MRE11: variants seen among roughly 807,000 people sequenced by gnomAD.
MRE11 encodes the protein MRE11 double strand break repair nuclease.
A neutral mutation model predicts 91.7 loss-of-function variants in MRE11; 62 were observed. The ratio of observed to expected loss-of-function variants is 0.68; its 90% CI spans 0.55 to 0.84. The LOEUF is 0.84. Ranked by LOEUF, MRE11 falls within the 40% of genes least tolerant of loss-of-function variation. MRE11 has a pLI of 0.00. For synonymous variants in MRE11, 273 were observed against 271.4 expected, an observed-to-expected ratio of 1.01 and a Z score of -0.06; for missense variants, 796 against 852.9, an observed-to-expected ratio of 0.93 and a Z score of 0.83.
chr11:94,454,281 C>T (rs539564279), intron 14 of MRE11, among the ~76,000 whole-genome samples: 1 of 151,884 alleles, frequency 6.6e-6, no homozygotes, highest in Admixed American at 6.6e-5. Context: ...GCCATGTTGC[C>T]CAGGCTGGTC....
At chr11:94,449,818 T>C (rs1181216670) in intron 14 of MRE11, among the ~76,000 whole-genome samples, 1 of 152,210 alleles carries the variant, frequency 6.6e-6, no homozygotes, top group Non-Finnish European at 1.5e-5. Context: ...ACCATAGCTA[T>C]GTATTTGGGT....
At position 94,459,599 on chromosome 11, in the gene MRE11, C is replaced by G; in HGVS notation, c.1327-18G>C. 1.9e-6 allele frequency: 3 copies of G among 1,611,220 alleles called. No individual in the cohort carries two copies. Among genetic ancestry groups the G allele is most frequent in the Non-Finnish European group, 2.5e-6 (3 of 1,177,754 alleles). On this transcript the variant is annotated intron_variant, in intron 12 of 19. Transcript: ENST00000323929. ...TGCACATTCTGTAAGATACAAATCACTGGATGCAGAAATAGTTTTTATTCC... is the reference window on the plus strand; with the variant it reads ...TGCACATTCTGTAAGATACAAATCAGTGGATGCAGAAATAGTTTTTATTCC...
At chr11:94,481,287 C>T (rs767192917) in intron 4 of MRE11, among the ~76,000 whole-genome samples, 3 of 151,100 alleles carry the variant, frequency 2.0e-5, no homozygotes, top group South Asian at 2.1e-4. Context: ...CCAACCTGGG[C>T]GACAAAGCAA....
chr11:94,447,191 T>C, intron 15 of MRE11, 28 bp downstream of exon 15: 4 of 1,601,028 alleles, frequency 2.5e-6, no homozygotes, highest in Non-Finnish European at 3.4e-6. Flanking sequence ...CAAGTGTGAA[T>C]GTGCACAGGA....
chr11:94,451,571 G>A (rs1946107697), intron 14 of MRE11, among the ~76,000 whole-genome samples: 1 of 152,038 alleles, frequency 6.6e-6, no homozygotes, highest in Non-Finnish European at 1.5e-5. Context: ...AAAGCAAATA[G>A]AGACTCCAGA....
rs524350 is a variant in MRE11, at chr11:94,493,416, A to G, written c.-106+375T>C. On this transcript the variant is annotated intron_variant, in intron 1 of 19. Coordinates refer to ENST00000323929, the MANE Select transcript of MRE11 (RefSeq NM_005591.4). Reference sequence around the variant, plus strand: ...CGTGGTCTGCGGAGGAACACCTTTAAGCACCAGCAGGATGACTGAAAATAG... The same window carrying G: ...CGTGGTCTGCGGAGGAACACCTTTAGGCACCAGCAGGATGACTGAAAATAG... Among the ~76,000 whole-genome samples, 77,852 of 151,986 alleles carry G rather than the reference A, an allele frequency of 0.51. 20,524 individuals carry two copies. The highest frequency in any genetic ancestry group is 0.63 in the African/African-American group (26,266 of 41,418).
intron 7 of MRE11, chr11:94,475,579 T>A (rs1408550668): frequency 2.2e-6 from 1 of 455,566 alleles, no homozygotes; most frequent in Non-Finnish European, 4.4e-6. Flanking sequence ...TAATAAATCT[T>A]GCTTCTTCAA....
At chr11:94,504,938 C>G in the MRE11 span, among the ~76,000 whole-genome samples, 1 of 152,106 alleles carries the variant, frequency 6.6e-6, no homozygotes, top group African/African-American at 2.4e-5. Flanking sequence ...AATGATGTAT[C>G]GCCTATACTG....
intron 12 of MRE11, among the ~76,000 whole-genome samples, chr11:94,460,072 TAG>T (rs1243029450): frequency 6.6e-6 from 1 of 151,920 alleles, no homozygotes; most frequent in Non-Finnish European, 1.5e-5. Context: ...GGGAAATGGT[TAG>T]AGAGATACAA....
chr11:94,491,043 T>A, intron 2 of MRE11, 78 bp from the exon 3 acceptor site: 2 of 891,092 alleles, frequency 2.2e-6, no homozygotes, highest in Non-Finnish European at 3.5e-6. Flanking sequence ...GACAAACTTA[T>A]AAAATAAATA....
the MRE11 span, among the ~76,000 whole-genome samples, chr11:94,506,791 T>C: frequency 6.6e-6 from 1 of 152,034 alleles, no homozygotes; most frequent in Non-Finnish European, 1.5e-5. Flanking sequence ...AGTCTTGCTA[T>C]GTTGACCAGG....
intron 14 of MRE11, among the ~76,000 whole-genome samples, chr11:94,455,867 C>T (rs141010692): frequency 1.3e-3 from 191 of 152,210 alleles, no homozygotes; most frequent in African/African-American, 4.3e-3. Context: ...TATCCCCACA[C>T]ACATACAATT....
chr11:94,423,776 G>A (rs977392727), intron 19 of MRE11, among the ~76,000 whole-genome samples: 2 of 152,248 alleles, frequency 1.3e-5, no homozygotes, highest in African/African-American at 4.8e-5. Context: ...TCCAGACGAT[G>A]GAGCCACAGG....
rs1945110961 is a variant in MRE11 at position 94,419,465 on chromosome 11, G to GAGAGAGA, written c.*659_*660insTCTCTCT. 7 of 196,690 alleles carry GAGAGAGA rather than the reference G, an allele frequency of 3.6e-5. No homozygotes were observed. Among genetic ancestry groups the GAGAGAGA allele is most frequent in the African/African-American group, 1.8e-4 (7 of 39,622 alleles). 12.2% of individuals were successfully genotyped at this position (196,690 alleles called of 1,614,324 possible). Reference sequence around the variant, plus strand: ...GAAGAGTGGGGAACGGGGGGGAGAGGGAGAGAGAGAGAGAGAGAGAGAGAG... The same window carrying GAGAGAGA: ...GAAGAGTGGGGAACGGGGGGGAGAGGAGAGAGAGAGAGAGAGAGAGAGAGAGAGAGAG... On this transcript the variant is annotated 3_prime_UTR_variant, in exon 20 of 20. Transcript: ENST00000323929.
chr11:94,498,396 T>G, upstream of MRE11: 1 of 1,613,384 alleles, frequency 6.2e-7, no homozygotes. Context: ...GAACTCCTCC[T>G]GATGAACCGT....
chr11:94,500,780 T>C, the MRE11 span, among the ~76,000 whole-genome samples: 5,289 of 152,246 alleles, frequency 0.035, 333 homozygotes, highest in African/African-American at 0.12. Flanking sequence ...ATTTAGAGTC[T>C]TTATACTACA....
At chr11:94,465,582 G>A (rs1054474361) in intron 10 of MRE11, among the ~76,000 whole-genome samples, 20 of 151,772 alleles carry the variant, frequency 1.3e-4, no homozygotes, top group Non-Finnish European at 2.8e-4. Context: ...TTTTAGTAGA[G>A]ACAGGGTTTT....
At chr11:94,498,023 T>C (rs1166222575), upstream of MRE11, 5 of 1,397,896 alleles carry the variant, frequency 3.6e-6, no homozygotes, top group East Asian at 4.6e-5. Flanking sequence ...GTTTTAGTTA[T>C]TGTTTTGGTT....
intron 14 of MRE11, among the ~76,000 whole-genome samples, chr11:94,449,709 A>T (rs1048304587): frequency 2.0e-5 from 3 of 152,256 alleles, no homozygotes; most frequent in African/African-American, 7.2e-5. Context: ...TAAATGGTAC[A>T]GTCTACTACA....
Sources: gnomAD v4.1 joint callset for allele counts (sites outside exome capture counted in the v4.1 genomes callset) on GRCh38, gnomAD v4.1.1 for gene constraint, MANE v1.5 for transcripts, NCBI Gene and HGNC (gene_info 2026-07-23, HGNC 2026-07-21) for gene names.